SLC39A11: variants seen among roughly 807,000 people sequenced by gnomAD.
SLC39A11 encodes the protein solute carrier family 39 member 11, also known as zinc transporter ZIP11.
SLC39A11 carries 33 observed loss-of-function variants against 36.1 expected under a neutral mutation model. That is an observed-to-expected ratio of 0.91 (90% CI 0.69 to 1.22). SLC39A11 has a LOEUF of 1.22. Among genes scored for constraint, SLC39A11 ranks in the 50% most tolerant of loss-of-function variants. The pLI is 0.00. For missense variants in SLC39A11, 432 were observed against 430.3 expected (o/e 1.00, Z -0.03); for synonymous variants, 166 against 170.3 (o/e 0.97, Z 0.20).
rs910917777 is a variant in SLC39A11 at position 72,748,290 on chromosome 17, C to T, written c.602-11571G>A. Among the ~76,000 whole-genome samples the T allele has an allele frequency of 3.3e-5, 5 of 149,600 alleles. No individual in the cohort carries two copies. The East Asian group carries it at 9.7e-4, about 29-fold the overall frequency. Reference sequence around the variant, plus strand: ...TGAGCCGAGATCGCGCCATTGCCCTCCAGCCTGGGCAATAGAGGGAGACTC... The same window carrying T: ...TGAGCCGAGATCGCGCCATTGCCCTTCAGCCTGGGCAATAGAGGGAGACTC... On this transcript the variant is annotated intron_variant, in intron 6 of 9. Coordinates refer to ENST00000255559, the MANE Select transcript of SLC39A11 (RefSeq NM_139177.4).
chr17:72,950,882 C>T (rs146739432), intron 4 of SLC39A11, among the ~76,000 whole-genome samples: 6 of 152,176 alleles, frequency 3.9e-5, no homozygotes, highest in Non-Finnish European at 8.8e-5. Context: ...AACTGGGGGG[C>T]TGAGCATGCT....
At chr17:73,081,524 C>T (rs566978628) in intron 3 of SLC39A11, among the ~76,000 whole-genome samples, 18 of 151,832 alleles carry the variant, frequency 1.2e-4, no homozygotes, top group Middle Eastern at 3.4e-3. Context: ...CTTGCACACA[C>T]GTGTTTATAG....
chr17:72,843,480 G>A (rs2145897394), intron 6 of SLC39A11, among the ~76,000 whole-genome samples: 1 of 152,186 alleles, frequency 6.6e-6, no homozygotes, highest in Middle Eastern at 3.4e-3. Context: ...TCGTGAGATG[G>A]AGCTCTTATG....
chr17:72,886,596 C>G (rs1282719192), intron 5 of SLC39A11, among the ~76,000 whole-genome samples: 2 of 152,174 alleles, frequency 1.3e-5, no homozygotes, highest in African/African-American at 2.4e-5. Context: ...TCCGCCAGCT[C>G]CCAGAATCTC....
At chr17:73,011,678 T>TC (rs200992708) in intron 4 of SLC39A11, among the ~76,000 whole-genome samples, 5,168 of 151,074 alleles carry the variant, frequency 0.034, 119 homozygotes, top group Non-Finnish European at 0.05. Flanking sequence ...TTTTTTTTTT[T>TC]TGGATGGAGT....
At chr17:72,775,823 A>G (rs991923608) in intron 6 of SLC39A11, among the ~76,000 whole-genome samples, 14 of 152,218 alleles carry the variant, frequency 9.2e-5, no homozygotes, top group African/African-American at 3.4e-4. Flanking sequence ...GAAATTAGGG[A>G]TAAGATTTTA....
chr17:72,851,933 T>C (rs1431245055), intron 5 of SLC39A11, among the ~76,000 whole-genome samples: 2 of 152,092 alleles, frequency 1.3e-5, no homozygotes, highest in Admixed American at 6.5e-5. Flanking sequence ...CCAGGCGCAG[T>C]AGCTCACACC....
chr17:72,845,806 TC>T (rs1470745862), intron 6 of SLC39A11, among the ~76,000 whole-genome samples: 2 of 152,150 alleles, frequency 1.3e-5, no homozygotes, highest in African/African-American at 4.8e-5. Flanking sequence ...AAGCCAGCTG[TC>T]CTCCAGTTTA....
At chr17:72,667,631 A>T (rs1447614394) in intron 7 of SLC39A11, among the ~76,000 whole-genome samples, 2 of 152,170 alleles carry the variant, frequency 1.3e-5, no homozygotes, top group Non-Finnish European at 2.9e-5. Context: ...CAATGCTATG[A>T]AGATGGTGGG....
chr17:72,729,916 T>G (rs776103991), intron 7 of SLC39A11, among the ~76,000 whole-genome samples: 9 of 152,128 alleles, frequency 5.9e-5, no homozygotes, highest in Non-Finnish European at 1.0e-4. Context: ...TGTCGATTAA[T>G]AAATTACTAT....
chr17:72,653,264 C>A (rs1208592726), intron 7 of SLC39A11, among the ~76,000 whole-genome samples: 1 of 151,396 alleles, frequency 6.6e-6, no homozygotes, highest in African/African-American at 2.4e-5. Context: ...GCCACCACAC[C>A]CCCCTATTTT....
At chr17:72,837,359 T>TAA (rs2078602529) in intron 6 of SLC39A11, among the ~76,000 whole-genome samples, 1 of 42,730 alleles carries the variant, frequency 2.3e-5, no homozygotes. Flanking sequence ...TGTATATTGC[T>TAA]CAAAAAAAAA....
chr17:72,960,975 C>T (rs376654582), intron 4 of SLC39A11, among the ~76,000 whole-genome samples: 3 of 152,186 alleles, frequency 2.0e-5, no homozygotes, highest in East Asian at 1.9e-4. Flanking sequence ...CAACATTTTT[C>T]ATAGCTTTGG....
chr17:72,786,335 T>C (rs1392227967), intron 6 of SLC39A11, among the ~76,000 whole-genome samples: 1 of 152,204 alleles, frequency 6.6e-6, no homozygotes, highest in Admixed American at 6.5e-5. Context: ...TTCCAGACAA[T>C]TAACCCACAG....
chr17:73,080,818 G>A (rs767894159), intron 3 of SLC39A11, among the ~76,000 whole-genome samples: 86 of 152,002 alleles, frequency 5.7e-4, no homozygotes, highest in Admixed American at 1.6e-3. Flanking sequence ...GGTGGTGGGC[G>A]CCTGTAGTCC....
chr17:72,740,051 C>CCTTT (rs2074608152), intron 6 of SLC39A11, among the ~76,000 whole-genome samples: 1 of 97,654 alleles, frequency 1.0e-5, no homozygotes, highest in African/African-American at 4.1e-5. Context: ...AATTTCTTTC[C>CCTTT]TTTTCTTTTT....
chr17:72,812,198 A>T (rs1236827094), intron 6 of SLC39A11, among the ~76,000 whole-genome samples: 4 of 152,224 alleles, frequency 2.6e-5, no homozygotes, highest in African/African-American at 9.6e-5. Context: ...CCCCAAGGTC[A>T]TGTTAGTGTA....
intron 6 of SLC39A11, among the ~76,000 whole-genome samples, chr17:72,761,491 T>C (rs1241055134): frequency 1.3e-5 from 2 of 152,174 alleles, no homozygotes; most frequent in South Asian, 4.1e-4. Context: ...TCAGCAGTAA[T>C]GAAAGGGGAG....
chr17:72,859,457 AGCCCCTGAGGGGCTCAAGGGGCAC>A (rs1163861415), intron 5 of SLC39A11, among the ~76,000 whole-genome samples: 2 of 151,198 alleles, frequency 1.3e-5, no homozygotes, highest in African/African-American at 4.9e-5. Flanking sequence ...ACTCTACTTG[AGCCCCTGAGGGGCTCAAGGGGCAC>A]TTCTCCTCTT....
Sources: allele counts gnomAD v4.1 joint callset (sites outside exome capture counted in the v4.1 genomes callset), GRCh38; gene constraint gnomAD v4.1.1; transcripts MANE v1.5; gene names NCBI Gene and HGNC (gene_info 2026-07-23, HGNC 2026-07-21).